The following LCLAT1 variants were observed in gnomAD, a reference collection of about 807,000 sequenced individuals.
LCLAT1 encodes the protein lysocardiolipin acyltransferase 1.
A neutral mutation model predicts 30.7 loss-of-function variants in LCLAT1; 11 were observed. The observed-to-expected ratio is 0.36, with a 90% confidence interval of 0.23 to 0.59. The LOEUF is 0.59. Among genes scored for constraint, LCLAT1 ranks in the 20% least tolerant of loss-of-function variants. The pLI is 0.77. For synonymous variants in LCLAT1, 155 were observed against 151.3 expected, an observed-to-expected ratio of 1.02 and a Z score of -0.18; for missense variants, 402 against 458.6, an observed-to-expected ratio of 0.88 and a Z score of 1.13.
At chr2:30,461,117 T>C (rs1279897435) in intron 1 of LCLAT1, among the ~76,000 whole-genome samples, 1 of 152,180 alleles carries the variant, frequency 6.6e-6, no homozygotes, top group Admixed American at 6.5e-5. Flanking sequence ...ATCTCTGAAT[T>C]TGTAGCCAAG....
At chr2:30,584,679 C>CA (rs953741057) in intron 5 of LCLAT1, among the ~76,000 whole-genome samples, 1 of 152,074 alleles carries the variant, frequency 6.6e-6, no homozygotes, top group African/African-American at 2.4e-5. Flanking sequence ...TGCAGCTTAG[C>CA]AAAAAATGTT....
intron 1 of LCLAT1, among the ~76,000 whole-genome samples, chr2:30,486,118 A>C (rs770521710): frequency 2.6e-5 from 4 of 152,202 alleles, no homozygotes; most frequent in Non-Finnish European, 5.9e-5. Context: ...TAAACCACTA[A>C]AAATACATGA....
At chr2:30,536,295 A>T (rs1400541820) in intron 3 of LCLAT1, among the ~76,000 whole-genome samples, 1 of 152,218 alleles carries the variant, frequency 6.6e-6, no homozygotes, top group Non-Finnish European at 1.5e-5. Context: ...AAGCCCAATG[A>T]TCTTCAAATA....
intron 5 of LCLAT1, among the ~76,000 whole-genome samples, chr2:30,575,319 G>A (rs553890065): frequency 2.4e-4 from 36 of 151,870 alleles, no homozygotes; most frequent in Admixed American, 5.9e-4. Flanking sequence ...ATACTGTGCC[G>A]TATTTGTTTT....
At chr2:30,528,896 A>G (rs1302116607) in intron 2 of LCLAT1, among the ~76,000 whole-genome samples, 1 of 152,230 alleles carries the variant, frequency 6.6e-6, no homozygotes, top group African/African-American at 2.4e-5. Flanking sequence ...GGTTACAGAA[A>G]AATTGATATT....
At chr2:30,479,716 T>A (rs966794338) in intron 1 of LCLAT1, among the ~76,000 whole-genome samples, 1 of 152,214 alleles carries the variant, frequency 6.6e-6, no homozygotes, top group East Asian at 1.9e-4. Context: ...ATACTAACTT[T>A]GTAAAAAATT....
chr2:30,503,186 C>A (rs144242058), intron 1 of LCLAT1, among the ~76,000 whole-genome samples: 119 of 152,238 alleles, frequency 7.8e-4, no homozygotes, highest in Non-Finnish European at 1.5e-3. Context: ...GTGTCTTATG[C>A]TAATGGACAA....
chr2:30,501,028 C>A (rs368283866), intron 1 of LCLAT1, among the ~76,000 whole-genome samples: 1 of 151,930 alleles, frequency 6.6e-6, no homozygotes, highest in Non-Finnish European at 1.5e-5. Context: ...TGTTGACCAA[C>A]TCCTCTTCCT....
chr2:30,492,883 CA>C (rs1376229984), intron 1 of LCLAT1, among the ~76,000 whole-genome samples: 2 of 152,124 alleles, frequency 1.3e-5, no homozygotes, highest in African/African-American at 4.8e-5. Context: ...CTGTGAATTT[CA>C]TTTATACATT....
chr2:30,601,593 C>T (rs2148491517), intron 5 of LCLAT1, among the ~76,000 whole-genome samples: 1 of 152,170 alleles, frequency 6.6e-6, no homozygotes. Context: ...CAAATACTTT[C>T]AGTATTCACA....
At chr2:30,634,239 CTT>C (rs1182740278) in intron 5 of LCLAT1, among the ~76,000 whole-genome samples, 1 of 152,178 alleles carries the variant, frequency 6.6e-6, no homozygotes, top group Admixed American at 6.5e-5. Flanking sequence ...AAATATGAAA[CTT>C]TCCAATAGTC....
chr2:30,447,924 A>C (rs1681346778), intron 1 of LCLAT1, among the ~76,000 whole-genome samples: 1 of 152,244 alleles, frequency 6.6e-6, no homozygotes, highest in South Asian at 2.1e-4. Context: ...TGTAGGTGCC[A>C]GAGTGGCAGT....
At chr2:30,450,664 C>G (rs1187350274) in intron 1 of LCLAT1, among the ~76,000 whole-genome samples, 2 of 152,176 alleles carry the variant, frequency 1.3e-5, no homozygotes, top group Non-Finnish European at 2.9e-5. Flanking sequence ...AACAACATAA[C>G]ATGAATGCAG....
intron 5 of LCLAT1, among the ~76,000 whole-genome samples, chr2:30,570,347 A>G (rs955259241): frequency 2.0e-5 from 3 of 152,152 alleles, no homozygotes; most frequent in African/African-American, 7.2e-5. Context: ...ATAAAATGGG[A>G]CTTGTATACT....
intron 5 of LCLAT1, among the ~76,000 whole-genome samples, chr2:30,602,788 G>A (rs1181745177): frequency 6.6e-6 from 1 of 152,042 alleles, no homozygotes; most frequent in Non-Finnish European, 1.5e-5. Flanking sequence ...GTTGATCCTG[G>A]AGTGCTACTC....
rs1669421481 is a variant in LCLAT1 at position 30,643,464 on chromosome 2, A to C, written c.*2845A>C. 6.7e-6 allele frequency: 1 copy of C among 149,608 alleles called. No homozygotes were observed. Among genetic ancestry groups the C allele is most frequent in the Non-Finnish European group, 1.5e-5 (1 of 67,710 alleles). 9.3% of individuals were successfully genotyped at this position (149,608 alleles called of 1,614,324 possible). A position where few individuals can be genotyped will look rare whatever the true frequency, so the allele number is the denominator to read the frequency against. On this transcript the variant is annotated 3_prime_UTR_variant, in exon 6 of 6. Transcript: ENST00000379509. ...AAATAAATGTTAGAAAGAGCCCGTA[A>C]TTTTAGGACTCCTATAAAATTCTTC...
chr2:30,477,084 ATGT>A (rs1683081210), intron 1 of LCLAT1, among the ~76,000 whole-genome samples: 1 of 152,128 alleles, frequency 6.6e-6, no homozygotes. Flanking sequence ...CCATTCTTTG[ATGT>A]TTAGTGAATC....
At chr2:30,476,219 T>C (rs1683032168) in intron 1 of LCLAT1, among the ~76,000 whole-genome samples, 1 of 152,220 alleles carries the variant, frequency 6.6e-6, no homozygotes, top group South Asian at 2.1e-4. Flanking sequence ...ATCCTCACAA[T>C]AGTCTTTAAG....
chr2:30,476,996 C>T (rs1258087740), intron 1 of LCLAT1, among the ~76,000 whole-genome samples: 2 of 152,136 alleles, frequency 1.3e-5, no homozygotes, highest in East Asian at 3.8e-4. Flanking sequence ...TAATTTTTGG[C>T]CCATAAGGTA....
Sources: allele counts gnomAD v4.1 joint callset (sites outside exome capture counted in the v4.1 genomes callset), GRCh38; gene constraint gnomAD v4.1.1; transcripts MANE v1.5; gene names NCBI Gene and HGNC (gene_info 2026-07-23, HGNC 2026-07-21).